Variants in OPCML observed in about 807,000 individuals in gnomAD.
OPCML encodes the protein opioid-binding protein/cell adhesion molecule.
OPCML carries 13 observed loss-of-function variants against 37.8 expected under a neutral mutation model. The observed-to-expected ratio is 0.34, with a 90% confidence interval of 0.22 to 0.55. The LOEUF is 0.55. OPCML is among the 20% of genes least tolerant of loss of function. The pLI is 0.91. For synonymous variants in OPCML, 176 were observed against 168.8 expected (o/e 1.04, Z -0.33); for missense variants, 341 against 435.6 (o/e 0.78, Z 1.93).
chr11:133,310,801 C>T (rs73602409), intron 1 of OPCML, among the ~76,000 whole-genome samples: 1 of 152,244 alleles, frequency 6.6e-6, no homozygotes, highest in East Asian at 1.9e-4. Flanking sequence ...ACCTACAAGT[C>T]CTCACACAAT....
chr11:132,518,516 C>T (rs1166324468), intron 4 of OPCML, among the ~76,000 whole-genome samples: 6 of 152,152 alleles, frequency 3.9e-5, no homozygotes, highest in Admixed American at 1.3e-4. Context: ...AGAGCCAGCT[C>T]CAGCACACCT....
At chr11:132,920,866 C>T (rs1361157156) in intron 2 of OPCML, among the ~76,000 whole-genome samples, 1 of 152,240 alleles carries the variant, frequency 6.6e-6, no homozygotes, top group Non-Finnish European at 1.5e-5. Flanking sequence ...GCCCACCTGG[C>T]GTCTCCTGAG....
At chr11:132,877,134 G>A (rs948236015) in intron 2 of OPCML, among the ~76,000 whole-genome samples, 3 of 152,112 alleles carry the variant, frequency 2.0e-5, no homozygotes, top group Non-Finnish European at 2.9e-5. Context: ...ATCCCACATA[G>A]TGAAAAGCAG....
intron 2 of OPCML, among the ~76,000 whole-genome samples, chr11:132,746,442 T>C (rs1183711796): frequency 6.6e-6 from 1 of 152,114 alleles, no homozygotes; most frequent in Non-Finnish European, 1.5e-5. Context: ...CATCGGCGTT[T>C]ATACCCACTC....
In OPCML at chr11:133,228,436, T is replaced by A. The variant is rs75314503; in HGVS notation, c.62-285426A>T. 1.6e-3 allele frequency among the ~76,000 whole-genome samples: 245 copies of A among 152,362 alleles called. 1 individual carries two copies. Among genetic ancestry groups the A allele is most frequent in the African/African-American group, 5.6e-3 (233 of 41,594 alleles). On this transcript the variant is annotated intron_variant, in intron 1 of 7. Coordinates refer to ENST00000524381, the MANE Select transcript of OPCML (RefSeq NM_001012393.5). ...CTAGTTTTCTGCTTCTAATTCCAGT[T>A]CTTTCCGCTATAGCTCATGGAAACA...
intron 2 of OPCML, among the ~76,000 whole-genome samples, chr11:132,863,468 G>A (rs1302358957): frequency 6.6e-6 from 1 of 152,182 alleles, no homozygotes; most frequent in Non-Finnish European, 1.5e-5. Context: ...GAAGGCCTCA[G>A]AAGCAGCCTA....
chr11:133,485,998 A>G (rs1010891725), intron 1 of OPCML, among the ~76,000 whole-genome samples: 2 of 152,206 alleles, frequency 1.3e-5, no homozygotes, highest in African/African-American at 4.8e-5. Flanking sequence ...CAAGAAGGCT[A>G]TAATGTGCCT....
At chr11:132,875,486 C>T (rs1389195262) in intron 2 of OPCML, among the ~76,000 whole-genome samples, 72 of 136,072 alleles carry the variant, frequency 5.3e-4, no homozygotes, top group African/African-American at 1.9e-3. Context: ...TTTTTTGAGA[C>T]GGTGTTTCTC....
At position 133,420,834 on chromosome 11, in the gene OPCML, T is replaced by C. The variant is rs1458988888; in HGVS notation, c.61+111430A>G. ...CTAGAAGGAACATCGGGAGATTTCA[T>C]GCCAAAATATTATTGGTCCTGGCAG... is the stretch of plus-strand genomic sequence containing the variant. On this transcript the variant is annotated intron_variant, in intron 1 of 7. Coordinates refer to ENST00000524381, the MANE Select transcript of OPCML (RefSeq NM_001012393.5). 39 of 985,310 alleles carry C rather than the reference T, an allele frequency of 4.0e-5. 1 individual carries two copies. The highest frequency in any genetic ancestry group is 4.2e-5 in the Non-Finnish European group (35 of 829,932). 61.0% of individuals were successfully genotyped at this position (985,310 alleles called of 1,614,324 possible). A position where few individuals can be genotyped will look rare whatever the true frequency, so the allele number is the denominator to read the frequency against.
At chr11:133,375,119 G>T (rs868048239) in intron 1 of OPCML, among the ~76,000 whole-genome samples, 8 of 152,080 alleles carry the variant, frequency 5.3e-5, no homozygotes, top group African/African-American at 1.7e-4. Flanking sequence ...TTCCAGTTCT[G>T]CTCCCCACCG....
At chr11:132,832,671 G>T (rs954896300) in intron 2 of OPCML, among the ~76,000 whole-genome samples, 1 of 152,112 alleles carries the variant, frequency 6.6e-6, no homozygotes, top group Non-Finnish European at 1.5e-5. Context: ...TTTCAAATAC[G>T]GTCATGTGTC....
chr11:133,286,220 G>A (rs1182026842), intron 1 of OPCML, among the ~76,000 whole-genome samples: 2 of 152,092 alleles, frequency 1.3e-5, no homozygotes, highest in African/African-American at 4.8e-5. Context: ...GGAGGCCGAG[G>A]TGGGCGGATC....
At chr11:133,419,910 T>C (rs1259148496) in intron 1 of OPCML, among the ~76,000 whole-genome samples, 2 of 152,252 alleles carry the variant, frequency 1.3e-5, no homozygotes, top group African/African-American at 2.4e-5. Flanking sequence ...AGTTCTAACA[T>C]GTGTTTTTGT....
At chr11:133,254,323 C>G (rs1327622287) in intron 1 of OPCML, among the ~76,000 whole-genome samples, 1 of 152,176 alleles carries the variant, frequency 6.6e-6, no homozygotes, top group Non-Finnish European at 1.5e-5. Context: ...AGTTTCTTCC[C>G]TGTTCACACA....
intron 2 of OPCML, among the ~76,000 whole-genome samples, chr11:132,861,562 C>T (rs951704233): frequency 6.6e-5 from 10 of 152,144 alleles, no homozygotes; most frequent in East Asian, 3.9e-4. Flanking sequence ...TTTGGCTGGG[C>T]GCGGTGGCTC....
chr11:132,463,887 A>G (rs1163730958), intron 4 of OPCML, among the ~76,000 whole-genome samples: 2 of 152,218 alleles, frequency 1.3e-5, no homozygotes, highest in Non-Finnish European at 2.9e-5. Flanking sequence ...AAAGAGACCT[A>G]GGTTCAAACA....
intron 4 of OPCML, among the ~76,000 whole-genome samples, chr11:132,507,108 G>T (rs199963270): frequency 8.4e-6 from 1 of 119,432 alleles, no homozygotes; most frequent in Non-Finnish European, 1.7e-5. Flanking sequence ...ACATTAAATT[G>T]TAAAAAAAAA....
chr11:132,746,100 T>G (rs1227516143), intron 2 of OPCML, among the ~76,000 whole-genome samples: 1 of 151,636 alleles, frequency 6.6e-6, no homozygotes, highest in African/African-American at 2.4e-5. Flanking sequence ...GTTGTTGTTT[T>G]TTTTTTTTTT....
chr11:132,499,161 A>C (rs1046939093), intron 4 of OPCML, among the ~76,000 whole-genome samples: 5 of 152,310 alleles, frequency 3.3e-5, no homozygotes, highest in African/African-American at 9.6e-5. Context: ...CTAATGGTAG[A>C]TATGTGATGA....
Sources: gnomAD v4.1 joint callset for allele counts (sites outside exome capture counted in the v4.1 genomes callset) on GRCh38, gnomAD v4.1.1 for gene constraint, MANE v1.5 for transcripts, NCBI Gene and HGNC (gene_info 2026-07-23, HGNC 2026-07-21) for gene names.